Variants in STXBP5L observed in about 807,000 individuals in gnomAD.
The protein encoded by STXBP5L is syntaxin binding protein 5L, also known as syntaxin-binding protein 5-like.
A neutral mutation model predicts 144.5 loss-of-function variants in STXBP5L; 65 were observed. That is an observed-to-expected ratio of 0.45 (90% CI 0.37 to 0.55). The LOEUF (loss-of-function observed/expected upper bound fraction) is 0.55, where lower values mean the gene tolerates loss of function less well. STXBP5L is among the 20% of genes least tolerant of loss of function. The probability of loss-of-function intolerance (pLI) is 0.00; values close to 1 mark genes in which losing one functional copy is unlikely to be tolerated. For synonymous variants in STXBP5L, 505 were observed against 469.6 expected (o/e 1.08, Z -0.97); for missense variants, 1,298 against 1,405.5 (o/e 0.92, Z 1.22).
In STXBP5L at chr3:121,091,199, T is replaced by A. The variant is rs1464567107; in HGVS notation, c.471-23726T>A. On this transcript the variant is annotated intron_variant, in intron 5 of 26. Coordinates refer to ENST00000471454, the MANE Select transcript of STXBP5L (RefSeq NM_001308330.2). Reference sequence around the variant, plus strand: ...ATCATTGATGGACATTTGGATTGGTTCCAAGTCCTTGCTATTGTGAATAGT... The same window carrying A: ...ATCATTGATGGACATTTGGATTGGTACCAAGTCCTTGCTATTGTGAATAGT... Among the ~76,000 whole-genome samples the A allele has an allele frequency of 4.8e-5, 7 of 147,258 alleles. 2 individuals are homozygous for A. Among genetic ancestry groups the A allele is most frequent in the Admixed American group, 4.3e-4 (6 of 14,010 alleles).
At chr3:121,335,034 C>T (rs537372638) in intron 20 of STXBP5L, among the ~76,000 whole-genome samples, 1 of 152,264 alleles carries the variant, frequency 6.6e-6, no homozygotes, top group East Asian at 1.9e-4. Context: ...TTGCAGATGA[C>T]ATGATTTTAT....
At chr3:121,299,205 G>A (rs1368573560) in intron 19 of STXBP5L, among the ~76,000 whole-genome samples, 1 of 152,136 alleles carries the variant, frequency 6.6e-6, no homozygotes, top group African/African-American at 2.4e-5. Flanking sequence ...TTTGAAAACA[G>A]TATTACTATC....
At chr3:121,351,143 G>C (rs2108612205) in intron 20 of STXBP5L, among the ~76,000 whole-genome samples, 1 of 152,158 alleles carries the variant, frequency 6.6e-6, no homozygotes, top group East Asian at 1.9e-4. Context: ...TTTTGGTGTG[G>C]ATGTCCTTTC....
chr3:121,158,979 G>C (rs1450750919), intron 9 of STXBP5L: 2 of 151,892 alleles, frequency 1.3e-5, no homozygotes, highest in Non-Finnish European at 2.9e-5. Context: ...CATCAGCCTT[G>C]ATGTCTTTTA....
intron 19 of STXBP5L, among the ~76,000 whole-genome samples, chr3:121,302,274 G>T (rs2051947201): frequency 6.6e-6 from 1 of 152,128 alleles, no homozygotes; most frequent in Non-Finnish European, 1.5e-5. Context: ...AGTCTTAGGA[G>T]GGTGTATGTG....
intron 15 of STXBP5L, among the ~76,000 whole-genome samples, chr3:121,254,556 T>C (rs2050143648): frequency 6.6e-6 from 1 of 152,212 alleles, no homozygotes; most frequent in African/African-American, 2.4e-5. Flanking sequence ...ATTTTCAGTA[T>C]TCCCATTTTA....
chr3:121,269,600 G>A (rs1378018907), intron 18 of STXBP5L, among the ~76,000 whole-genome samples: 1 of 152,118 alleles, frequency 6.6e-6, no homozygotes, highest in Non-Finnish European at 1.5e-5. Context: ...GCAACTGGGT[G>A]CATAATAAAA....
At chr3:121,044,290 G>T (rs965589944) in intron 4 of STXBP5L, among the ~76,000 whole-genome samples, 7 of 151,932 alleles carry the variant, frequency 4.6e-5, no homozygotes, top group African/African-American at 1.7e-4. Flanking sequence ...AAAATCACAG[G>T]TACCAAATAT....
chr3:121,020,263 G>A (rs1945450029), intron 3 of STXBP5L, among the ~76,000 whole-genome samples: 1 of 152,094 alleles, frequency 6.6e-6, no homozygotes, highest in African/African-American at 2.4e-5. Flanking sequence ...AGACGTTTGG[G>A]ATGTTAAATG....
intron 20 of STXBP5L, among the ~76,000 whole-genome samples, chr3:121,333,824 G>T (rs1172115429): frequency 1.3e-5 from 2 of 152,136 alleles, no homozygotes; most frequent in Admixed American, 6.6e-5. Flanking sequence ...ACTGAACCAG[G>T]AGGAAATTGA....
At chr3:121,127,383 G>A (rs531002068) in intron 7 of STXBP5L, among the ~76,000 whole-genome samples, 19 of 152,138 alleles carry the variant, frequency 1.2e-4, no homozygotes, top group Non-Finnish European at 2.5e-4. Context: ...ACAACCAGAA[G>A]TCTAAAACTA....
rs7627539 is a variant in STXBP5L, at chr3:121,093,951, C to T, written c.471-20974C>T. Among the ~76,000 whole-genome samples the T allele has an allele frequency of 6.4e-3, 980 of 152,048 alleles. 14 individuals carry two copies. The highest frequency in any genetic ancestry group is 0.021 in the African/African-American group (879 of 41,478). On this transcript the variant is annotated intron_variant, in intron 5 of 26. Coordinates refer to ENST00000471454, the MANE Select transcript of STXBP5L (RefSeq NM_001308330.2). ...TCTACACACTGCTTTAAATGTGTCC[C>T]GGAGATTCTGGTACGTTGTGTCTTT...
chr3:121,282,941 C>A (rs749292220), intron 19 of STXBP5L, among the ~76,000 whole-genome samples: 1 of 151,808 alleles, frequency 6.6e-6, no homozygotes, highest in African/African-American at 2.4e-5. Context: ...ACCATGGTAT[C>A]AAACACAGAT....
At chr3:121,346,972 C>G (rs1345462019) in intron 20 of STXBP5L, among the ~76,000 whole-genome samples, 1 of 152,148 alleles carries the variant, frequency 6.6e-6, no homozygotes, top group Admixed American at 6.6e-5. Context: ...TCCCATTTGT[C>G]AATTTTGGCT....
chr3:121,350,569 C>T (rs1560007455), intron 20 of STXBP5L, among the ~76,000 whole-genome samples: 1 of 152,102 alleles, frequency 6.6e-6, no homozygotes, highest in Non-Finnish European at 1.5e-5. Context: ...AACTTGGTTC[C>T]ATTCTCCCCG....
intron 20 of STXBP5L, among the ~76,000 whole-genome samples, chr3:121,367,975 T>C (rs1270410607): frequency 1.3e-5 from 2 of 151,984 alleles, no homozygotes; most frequent in African/African-American, 4.8e-5. Context: ...TTTATCTTCC[T>C]TGGAATTCAT....
At chr3:121,354,508 C>CTTTTTTTTTTTTT (rs145703750) in intron 20 of STXBP5L, among the ~76,000 whole-genome samples, 10 of 67,542 alleles carry the variant, frequency 1.5e-4, no homozygotes, top group Admixed American at 3.5e-4. Context: ...TGCAACCCTG[C>CTTTTTTTTTTTTT]TTTTTTTTTT....
intron 2 of STXBP5L, among the ~76,000 whole-genome samples, chr3:120,948,823 G>A (rs1358954403): frequency 6.6e-6 from 1 of 151,768 alleles, no homozygotes; most frequent in Non-Finnish European, 1.5e-5. Context: ...ATTTAGGCTG[G>A]TTCCATATTT....
chr3:121,346,256 T>A (rs567787816), intron 20 of STXBP5L, among the ~76,000 whole-genome samples: 3 of 152,228 alleles, frequency 2.0e-5, no homozygotes, highest in East Asian at 3.9e-4. Flanking sequence ...TCCAGCTTCA[T>A]CCATGTCCCT....
Sources: allele counts gnomAD v4.1 joint callset (sites outside exome capture counted in the v4.1 genomes callset), GRCh38; gene constraint gnomAD v4.1.1; transcripts MANE v1.5; gene names NCBI Gene and HGNC (gene_info 2026-07-23, HGNC 2026-07-21).